Variants in THSD7B observed in about 807,000 individuals in gnomAD.
THSD7B encodes the protein thrombospondin type-1 domain-containing protein 7B.
THSD7B carries 138 observed loss-of-function variants against 213.6 expected under a neutral mutation model. The ratio of observed to expected loss-of-function variants is 0.65; its 90% CI spans 0.56 to 0.74. THSD7B has a LOEUF of 0.74. THSD7B is among the 30% of genes least tolerant of loss of function. The probability of loss-of-function intolerance (pLI) is 0.00; values close to 1 mark genes in which losing one functional copy is unlikely to be tolerated. For synonymous variants in THSD7B, 742 were observed against 687.0 expected, an observed-to-expected ratio of 1.08 and a Z score of -1.25; for missense variants, 1,931 against 1,991.5, an observed-to-expected ratio of 0.97 and a Z score of 0.58.
intron 2 of THSD7B, among the ~76,000 whole-genome samples, chr2:137,001,093 A>T (rs1685990279): frequency 6.6e-6 from 1 of 152,074 alleles, no homozygotes; most frequent in African/African-American, 2.4e-5. Flanking sequence ...TTTAACTTTT[A>T]TGCACTGCAG....
rs1397509042 is a variant in THSD7B at position 137,394,136 on chromosome 2, C to A, written c.2501-11477C>A. ...TGCCTGTTCACTCTGATGGTAGTTT[C>A]TTTTGCTGTGCAGAAGCTCTTTAGT... On this transcript the variant is annotated intron_variant, in intron 12 of 27. Transcript: ENST00000409968. Among the ~76,000 whole-genome samples, 11 of 116,032 alleles carry A rather than the reference C, an allele frequency of 9.5e-5. 1 individual carries two copies. Among genetic ancestry groups the A allele is most frequent in the Admixed American group, 1.7e-4 (2 of 11,440 alleles). 76.1% of individuals were successfully genotyped at this position (116,032 alleles called of 152,430 possible).
At chr2:137,624,267 C>T (rs114033938) in intron 20 of THSD7B, among the ~76,000 whole-genome samples, 1,847 of 152,322 alleles carry the variant, frequency 0.012, 21 homozygotes, top group Non-Finnish European at 0.021. Flanking sequence ...GGAAAACTGG[C>T]CAGCCAGATG....
At chr2:136,983,410 A>C (rs540965983) in intron 2 of THSD7B, among the ~76,000 whole-genome samples, 16 of 52,370 alleles carry the variant, frequency 3.1e-4, no homozygotes, top group African/African-American at 6.1e-4. Flanking sequence ...CTGACTTAGG[A>C]AGCAAATGGC....
intron 12 of THSD7B, among the ~76,000 whole-genome samples, chr2:137,339,446 A>T (rs145382242): frequency 6.6e-6 from 1 of 152,130 alleles, no homozygotes; most frequent in Non-Finnish European, 1.5e-5. Context: ...GCAGAGTAGA[A>T]AGCACAGTAT....
intron 1 of THSD7B, among the ~76,000 whole-genome samples, chr2:136,806,403 TGA>T (rs1215909853): frequency 6.6e-6 from 1 of 152,224 alleles, no homozygotes; most frequent in Admixed American, 6.5e-5. Context: ...CAGGCTGTTC[TGA>T]GAGTAAGTAT....
chr2:136,832,175 T>G (rs1285537691), intron 1 of THSD7B, among the ~76,000 whole-genome samples: 2 of 72,912 alleles, frequency 2.7e-5, no homozygotes, highest in Non-Finnish European at 6.4e-5. Flanking sequence ...ATACATCCTA[T>G]TGTGTGTGTG....
intron 12 of THSD7B, among the ~76,000 whole-genome samples, chr2:137,395,564 C>A (rs1478916193): frequency 6.6e-6 from 1 of 151,962 alleles, no homozygotes; most frequent in Non-Finnish European, 1.5e-5. Flanking sequence ...ATTTGTTTTG[C>A]CAGTATTTTA....
intron 14 of THSD7B, among the ~76,000 whole-genome samples, chr2:137,418,167 A>G (rs1050480842): frequency 1.6e-4 from 24 of 152,270 alleles, no homozygotes; most frequent in Admixed American, 1.5e-3. Flanking sequence ...TCTCTCTTCT[A>G]TCCACTTTTC....
At chr2:137,079,111 G>C (rs1687690649) in intron 3 of THSD7B, among the ~76,000 whole-genome samples, 1 of 152,058 alleles carries the variant, frequency 6.6e-6, no homozygotes, top group South Asian at 2.1e-4. Context: ...TTGAGCTCAA[G>C]AGTTTGAGAC....
At chr2:136,888,317 T>A (rs1683754107) in intron 2 of THSD7B, among the ~76,000 whole-genome samples, 1 of 152,098 alleles carries the variant, frequency 6.6e-6, no homozygotes, top group Non-Finnish European at 1.5e-5. Flanking sequence ...AAAAAGAGAC[T>A]ATGAAAATTG....
At chr2:137,663,326 T>C in intron 25 of THSD7B, 57 bp from the exon 26 acceptor site, 1 of 1,354,852 alleles carries the variant, frequency 7.4e-7, no homozygotes, top group Non-Finnish European at 9.8e-7. Context: ...ATTATATTTT[T>C]ATTCATTCAC....
chr2:137,389,148 A>G (rs972338107), intron 12 of THSD7B, among the ~76,000 whole-genome samples: 1 of 146,470 alleles, frequency 6.8e-6, no homozygotes, highest in Non-Finnish European at 1.5e-5. Context: ...AGTGTATAAG[A>G]GCTCCCTCTT....
intron 10 of THSD7B, among the ~76,000 whole-genome samples, chr2:137,259,779 C>T (rs1682398213): frequency 6.6e-6 from 1 of 152,086 alleles, no homozygotes; most frequent in Non-Finnish European, 1.5e-5. Context: ...TCCTTGAGGT[C>T]AGGAATAATT....
intron 2 of THSD7B, among the ~76,000 whole-genome samples, chr2:136,976,363 A>G (rs10167588): frequency 0.043 from 6,549 of 152,192 alleles, 283 homozygotes; most frequent in African/African-American, 0.11. Context: ...CGTTTATTAA[A>G]CGTTTTTAAC....
At chr2:137,254,777 C>A (rs1682265874) in intron 10 of THSD7B, among the ~76,000 whole-genome samples, 1 of 152,050 alleles carries the variant, frequency 6.6e-6, no homozygotes, top group South Asian at 2.1e-4. Context: ...TTTTTCTACC[C>A]CAAGTAAATT....
At chr2:137,260,451 G>T (rs1364994262) in intron 10 of THSD7B, among the ~76,000 whole-genome samples, 2 of 152,024 alleles carry the variant, frequency 1.3e-5, no homozygotes, top group Non-Finnish European at 1.5e-5. Context: ...CATTTGATTT[G>T]TTAAAAAATT....
At chr2:137,052,448 GT>G (rs551531778) in intron 2 of THSD7B, among the ~76,000 whole-genome samples, 1 of 151,574 alleles carries the variant, frequency 6.6e-6, no homozygotes, top group East Asian at 1.9e-4. Context: ...CTTGGTGTCT[GT>G]TTTTTTCACT....
At chr2:136,933,672 T>C (rs1208298974) in intron 2 of THSD7B, among the ~76,000 whole-genome samples, 1 of 133,588 alleles carries the variant, frequency 7.5e-6, no homozygotes, top group African/African-American at 2.5e-5. Context: ...TGCATCGCTA[T>C]CTTTTTAATA....
intron 2 of THSD7B, among the ~76,000 whole-genome samples, chr2:137,050,143 T>G (rs1687042639): frequency 6.6e-6 from 1 of 152,244 alleles, no homozygotes; most frequent in African/African-American, 2.4e-5. Flanking sequence ...GTTAGCAGGA[T>G]GTAGGTTTTA....
Sources: allele counts gnomAD v4.1 joint callset (sites outside exome capture counted in the v4.1 genomes callset), GRCh38; gene constraint gnomAD v4.1.1; transcripts MANE v1.5; gene names NCBI Gene and HGNC (gene_info 2026-07-23, HGNC 2026-07-21).